The following SYNE3 variants were observed in gnomAD, a reference collection of about 807,000 sequenced individuals.
SYNE3 encodes the protein nesprin-3.
In SYNE3, 100 loss-of-function variants were observed where a neutral mutation model predicts 111.2. That is an observed-to-expected ratio of 0.90 (90% CI 0.77 to 1.06). The LOEUF (loss-of-function observed/expected upper bound fraction) is 1.06. Ranked by LOEUF, SYNE3 falls within the 50% of genes least tolerant of loss-of-function variation. The pLI is 0.00. For missense variants in SYNE3, 1,160 were observed against 1,240.3 expected, an observed-to-expected ratio of 0.94 and a Z score of 0.97; for synonymous variants, 547 against 533.9, an observed-to-expected ratio of 1.02 and a Z score of -0.34.
intron 9 of SYNE3, 96 bp from the exon 10 acceptor site, chr14:95,444,724 G>A (rs117511324): frequency 0.02 from 28,080 of 1,428,880 alleles, 365 homozygotes; most frequent in Non-Finnish European, 0.023. Flanking sequence ...TCTTCGTCTC[G>A]GCCAGCTCAT....
rs550184309 is a variant in SYNE3 at position 95,450,214 on chromosome 14, G to A, written c.1275-109C>T. The A allele has an allele frequency of 7.6e-5, 101 of 1,326,972 alleles. No individual in the cohort carries two copies. In the African/African-American group the frequency reaches 1.1e-3, roughly 15 times the overall value. The allele number at this position is 1,326,972 out of a possible 1,614,324, so 82.2% of individuals were successfully genotyped here. On this transcript the variant is annotated intron_variant, in intron 7 of 17. Coordinates refer to ENST00000682763, the MANE Select transcript of SYNE3 (RefSeq NM_152592.6). The stretch of plus-strand genomic sequence containing the variant: ...GAGGCCCAGCATGCACTGCTCCCAG[G>A]GTGGGCCTTCTCCTGTTTCAGTTGC...
At chr14:95,427,011 CATT>C (rs1454359584) in intron 17 of SYNE3, among the ~76,000 whole-genome samples, 1 of 149,278 alleles carries the variant, frequency 6.7e-6, no homozygotes, top group Non-Finnish European at 1.5e-5. Context: ...ATATGAATAT[CATT>C]AATCATTAGT....
chr14:95,510,577 T>C lies in SYNE3; in HGVS notation c.-15+6019A>G, dbSNP rs1168624875. On this transcript the variant is annotated intron_variant, in intron 1 of 17. Coordinates refer to ENST00000682763, the MANE Select transcript of SYNE3 (RefSeq NM_152592.6). The stretch of plus-strand genomic sequence containing the variant: ...GCCGAGGCCGGTGGATCGCCTGAGG[T>C]TGGGAGTTGAGACCAAGCTGGCTAG... Among the ~76,000 whole-genome samples the C allele has an allele frequency of 3.3e-5, 5 of 152,046 alleles. No individual in the cohort carries two copies. In the East Asian group the frequency reaches 9.6e-4, roughly 29 times the overall value.
intron 1 of SYNE3, among the ~76,000 whole-genome samples, chr14:95,486,411 C>T (rs958086800): frequency 6.6e-6 from 1 of 151,732 alleles, no homozygotes; most frequent in African/African-American, 2.4e-5. Flanking sequence ...GTCAGAGGTG[C>T]CAGGCCTTAC....
At position 95,470,651 on chromosome 14, in the gene SYNE3, T is replaced by TA. The variant is rs1888469629; in HGVS notation, c.145-2685dup. On this transcript the variant is annotated intron_variant, in intron 2 of 17. Transcript: ENST00000682763. This position sits in a 1 kb window ranked among gnomAD's most constrained non-coding sequence, Gnocchi z 4.2. ...GGGCAGCAGGGCAAGAACCTGTCAC[T>TA]AAAAAACTAAAAATAAGAAAAAAAA... is the stretch of plus-strand genomic sequence containing the variant. Among the ~76,000 whole-genome samples the TA allele has an allele frequency of 1.0e-5, 1 of 99,624 alleles. No homozygotes were observed. The highest frequency in any genetic ancestry group is 3.6e-4 in the South Asian group (1 of 2,758). 65.4% of individuals were successfully genotyped at this position (99,624 alleles called of 152,430 possible). A position where few individuals can be genotyped will look rare whatever the true frequency, so the allele number is the denominator to read the frequency against.
chr14:95,444,476 A>AC lies in SYNE3; in HGVS notation c.1776+8dup, dbSNP rs779216319. The AC allele has an allele frequency of 1.6e-5, 26 of 1,601,904 alleles. No individual in the cohort carries two copies. Among genetic ancestry groups the AC allele is most frequent in the Non-Finnish European group, 2.2e-5 (26 of 1,172,776 alleles). On this transcript the variant is annotated intron_variant, in intron 10 of 17. Coordinates refer to ENST00000682763, the MANE Select transcript of SYNE3 (RefSeq NM_152592.6). ...GGCAGGAGTGATTCAGGCCTCACAG[A>AC]CCCCTCACCTGCAACCTTGAGAGCT...
intron 11 of SYNE3, among the ~76,000 whole-genome samples, chr14:95,441,930 A>G (rs998773363): frequency 6.6e-6 from 1 of 152,206 alleles, no homozygotes; most frequent in African/African-American, 2.4e-5. Context: ...TGGGGTGGAT[A>G]GTCCACAAAT....
At chr14:95,511,216 G>T (rs1890709401) in intron 1 of SYNE3, among the ~76,000 whole-genome samples, 1 of 152,244 alleles carries the variant, frequency 6.6e-6, no homozygotes, top group African/African-American at 2.4e-5. Flanking sequence ...GCACTCAATT[G>T]TTTTGGGAAT....
Position 95,445,993 on chromosome 14 carries a change from C to T in SYNE3, c.1548G>A (p.Thr516=), listed in dbSNP as rs759117563. The change falls in exon 9 of 18, where the codon ACG becomes ACA. Residue 516 remains threonine (T), a synonymous_variant. Transcript: ENST00000682763. ...LIGIFGQERA[T]ALLEQVAGSM... is the part of the protein sequence containing the mutation. ...AACCTGCCACCTGCTCCAGGAGTGC[C>T]GTGGCTCTCTCCTGGCCAAAGATGC... The T allele has an allele frequency of 3.7e-6, 6 of 1,614,000 alleles. No individual in the cohort carries two copies. Among genetic ancestry groups the T allele is most frequent in the South Asian group, 3.3e-5 (3 of 91,090 alleles).
At chr14:95,442,054 A>T (rs573649030) in intron 11 of SYNE3, among the ~76,000 whole-genome samples, 2 of 152,312 alleles carry the variant, frequency 1.3e-5, no homozygotes, top group South Asian at 2.1e-4. Flanking sequence ...CAACACACAA[A>T]CACAAGGAAG....
At chr14:95,421,868 T>C (rs1035363563) in intron 17 of SYNE3, among the ~76,000 whole-genome samples, 1 of 152,198 alleles carries the variant, frequency 6.6e-6, no homozygotes, top group Non-Finnish European at 1.5e-5. Context: ...GGAATGCTCA[T>C]TGCCCTTCTT....
At position 95,467,923 on chromosome 14, in the gene SYNE3, G is replaced by A. The variant is rs778184864; in HGVS notation, c.189C>T (p.Leu63=). 38 of 1,613,994 alleles carry A rather than the reference G, an allele frequency of 2.4e-5. No individual in the cohort carries two copies. Among genetic ancestry groups the A allele is most frequent in the African/African-American group, 5.3e-5 (4 of 74,948 alleles). ...LEPEGRVRVD[L]VLRMAEALLA... is the part of the protein sequence containing the mutation. ...AGAGGGCTTCAGCCATCCGTAGCAC[G>A]AGGTCCACCCTCACACGCCCCTCGG... Residue 63 remains leucine (L), a synonymous_variant, in exon 3 of 18, where the codon CTC becomes CTT. Coordinates refer to ENST00000682763, the MANE Select transcript of SYNE3 (RefSeq NM_152592.6).
At chr14:95,421,368 G>A (rs934137567) in intron 17 of SYNE3, among the ~76,000 whole-genome samples, 17 of 152,230 alleles carry the variant, frequency 1.1e-4, no homozygotes, top group Admixed American at 5.2e-4. Flanking sequence ...TCTGGGGATC[G>A]CAGGCTAGAG....
chr14:95,438,681 G>A (rs1043088106), intron 14 of SYNE3: 9 of 221,392 alleles, frequency 4.1e-5, no homozygotes, highest in African/African-American at 2.0e-4. Flanking sequence ...CATCTTGTAT[G>A]GTTTCGGTTT....
In SYNE3 at chr14:95,439,942, T is replaced by TC. The variant is rs1453490997; in HGVS notation, c.2044dup (p.Asp682GlyfsTer10). The TC allele has an allele frequency of 6.2e-7, 1 of 1,612,200 alleles. No homozygotes were observed. Among genetic ancestry groups the TC allele is most frequent in the Admixed American group, 1.7e-5 (1 of 59,890 alleles). ...AAACTCGGCCTCTTGGGACTCGGCA[T>TC]CCCCCGGGCCCGCCTCTCCCCGGTG... On this transcript the variant is annotated frameshift_variant, in exon 12 of 18. Coordinates refer to ENST00000682763, the MANE Select transcript of SYNE3 (RefSeq NM_152592.6). LOFTEE classifies it high-confidence loss of function.
At chr14:95,480,419 C>T (rs150045268) in intron 1 of SYNE3, among the ~76,000 whole-genome samples, 130 of 152,250 alleles carry the variant, frequency 8.5e-4, no homozygotes, top group Middle Eastern at 3.4e-3. Flanking sequence ...TGGAAACCCC[C>T]GAGCTGGGGC....
chr14:95,436,923 T>C lies in SYNE3; in HGVS notation c.2435A>G (p.Asn812Ser). The C allele has an allele frequency of 6.2e-7, 1 of 1,614,164 alleles. No homozygotes were observed. The highest frequency in any genetic ancestry group is 1.3e-5 in the African/African-American group (1 of 75,042). ...TTCCACCTGCAACCACTGCCCAAAGTTCCTCAGGAGCTGGGAGAAATCTTC... is the reference window on the plus strand; with the variant it reads ...TTCCACCTGCAACCACTGCCCAAAGCTCCTCAGGAGCTGGGAGAAATCTTC... ...SHEDFSQLLR[N>S]FGQWLQVENS... The change falls in exon 15 of 18, where the codon AAC becomes AGC. Residue 812 changes from asparagine to serine, a missense_variant. Coordinates refer to ENST00000682763, the MANE Select transcript of SYNE3 (RefSeq NM_152592.6).
At chr14:95,452,603 A>G (rs1887164107) in intron 6 of SYNE3, among the ~76,000 whole-genome samples, 1 of 152,188 alleles carries the variant, frequency 6.6e-6, no homozygotes, top group Non-Finnish European at 1.5e-5. Context: ...GCTGGGCTAC[A>G]GTTCTGCTCT....
intron 1 of SYNE3, among the ~76,000 whole-genome samples, chr14:95,481,712 A>G (rs1246052048): frequency 6.6e-6 from 1 of 152,108 alleles, no homozygotes; most frequent in Non-Finnish European, 1.5e-5. Context: ...GGAGAAATAG[A>G]TGTGTGGGCC....
Sources: gnomAD v4.1 joint callset for allele counts (sites outside exome capture counted in the v4.1 genomes callset) on GRCh38, gnomAD v4.1.1 for gene constraint, Gnocchi (gnomAD v3.1) non-coding constraint, MANE v1.5 for transcripts, NCBI Gene and HGNC (gene_info 2026-07-23, HGNC 2026-07-21) for gene names.